Variants in MACF1 observed in about 807,000 individuals in gnomAD.
MACF1 encodes microtubule-actin cross-linking factor 1.
In MACF1, 193 loss-of-function variants were observed where a neutral mutation model predicts 854.8. The ratio of observed to expected loss-of-function variants is 0.23; its 90% CI spans 0.20 to 0.25. The LOEUF is 0.25. Ranked by LOEUF, MACF1 falls within the 10% of genes least tolerant of loss-of-function variation. The pLI, the probability that MACF1 is intolerant of heterozygous loss-of-function variation, is 1.00. For missense variants in MACF1, 7,722 were observed against 8,929.1 expected (o/e 0.86, Z 5.45); for synonymous variants, 3,185 against 3,226.7 (o/e 0.99, Z 0.44).
At chr1:39,386,860 C>T (rs1213566941) in intron 57 of MACF1, among the ~76,000 whole-genome samples, 2 of 152,210 alleles carry the variant, frequency 1.3e-5, no homozygotes, top group African/African-American at 2.4e-5. Context: ...CCACTGCACC[C>T]GGCTGCTTCT....
chr1:39,169,421 CTG>C (rs1192617511), intron 2 of MACF1, among the ~76,000 whole-genome samples: 4 of 152,108 alleles, frequency 2.6e-5, no homozygotes, highest in South Asian at 2.1e-4. Flanking sequence ...CATAGGGAAA[CTG>C]TGTCTCTACA....
At chr1:39,195,863 G>C (rs1644312818) in intron 2 of MACF1, among the ~76,000 whole-genome samples, 1 of 152,188 alleles carries the variant, frequency 6.6e-6, no homozygotes. Flanking sequence ...GGTGAACGAG[G>C]GCAGGGTTGG....
In MACF1 at chr1:39,368,317, G is replaced by A; in HGVS notation, c.12938+3G>A. The A allele has an allele frequency of 2.5e-6, 4 of 1,611,490 alleles. No individual in the cohort carries two copies. The highest frequency in any genetic ancestry group is 2.5e-6 in the Non-Finnish European group (3 of 1,177,984). On this transcript the variant is annotated splice_donor_region_variant and intron_variant, in intron 50 of 100. Coordinates refer to ENST00000564288, the MANE Select transcript of MACF1 (RefSeq NM_001394062.1). Reference sequence around the variant, plus strand: ...CTACAGAAGACAGTTAAAGAGAGGTGAGTTATCACTTGTGTTGGTCAGCAT... The same window carrying A: ...CTACAGAAGACAGTTAAAGAGAGGTAAGTTATCACTTGTGTTGGTCAGCAT...
At chr1:39,371,731 T>A (rs576520932) in intron 51 of MACF1, among the ~76,000 whole-genome samples, 1 of 152,088 alleles carries the variant, frequency 6.6e-6, no homozygotes, top group Non-Finnish European at 1.5e-5. Flanking sequence ...AGCTCCTTAT[T>A]TATCCTCTAG....
At chr1:39,118,128 A>G (rs1278513692) in intron 2 of MACF1, among the ~76,000 whole-genome samples, 1 of 152,252 alleles carries the variant, frequency 6.6e-6, no homozygotes, top group Non-Finnish European at 1.5e-5. Context: ...CAGCAGGGAG[A>G]GTGCCTGGAA....
At chr1:39,267,717 C>T (rs959166941) in intron 6 of MACF1, among the ~76,000 whole-genome samples, 2 of 152,138 alleles carry the variant, frequency 1.3e-5, no homozygotes, top group African/African-American at 4.8e-5. Flanking sequence ...ACATTTTTGT[C>T]AAATATTGTT....
chr1:39,471,464 T>A (rs1644775741), intron 97 of MACF1, among the ~76,000 whole-genome samples: 1 of 152,236 alleles, frequency 6.6e-6, no homozygotes, highest in African/African-American at 2.4e-5. Context: ...AACACCAGTG[T>A]GCACTATCAT....
intron 5 of MACF1, among the ~76,000 whole-genome samples, chr1:39,256,938 G>A (rs1192452795): frequency 6.6e-6 from 1 of 151,422 alleles, no homozygotes; most frequent in East Asian, 1.9e-4. Context: ...GGCCCTGATG[G>A]CAATAAAAAA....
chr1:39,105,464 G>T lies in MACF1; in HGVS notation c.220+21026G>T. Reference sequence around the variant, plus strand: ...GCGAGCGGACTGAGGAGCGGAGCGCGACTGCCGGGCCGGGCGAGGCGGGCG... The same window carrying T: ...GCGAGCGGACTGAGGAGCGGAGCGCTACTGCCGGGCCGGGCGAGGCGGGCG... On this transcript the variant is annotated intron_variant, in intron 2 of 93. Transcript: ENST00000361689. This position sits in a 1 kb window ranked among gnomAD's most constrained non-coding sequence, Gnocchi z 5.9. 3.0e-6 allele frequency: 3 copies of T among 1,007,768 alleles called. No individual in the cohort carries two copies. The highest frequency in any genetic ancestry group is 3.5e-6 in the Non-Finnish European group (3 of 846,250). 62.4% of individuals were successfully genotyped at this position (1,007,768 alleles called of 1,614,324 possible).
chr1:39,454,956 G>A lies in MACF1; in HGVS notation c.20934G>A (p.Leu6978=), dbSNP rs1644407772. 3.7e-6 allele frequency: 6 copies of A among 1,614,090 alleles called. No homozygotes were observed. In the South Asian group the frequency reaches 6.6e-5, roughly 18 times the overall value. Residue 6978 remains leucine (L), a synonymous_variant, in exon 89 of 101, where the codon TTG becomes TTA. Transcript: ENST00000564288. ...ACCAGCAGCGTCTTGAAACGGCCTTGTCAGAACTGGTGGCTAATGCTGAGC... is the reference window on the plus strand; with the variant it reads ...ACCAGCAGCGTCTTGAAACGGCCTTATCAGAACTGGTGGCTAATGCTGAGC... ...KQHQQRLETA[L]SELVANAELL... is the part of the protein sequence containing the mutation.
chr1:39,453,807 C>T lies in MACF1; in HGVS notation c.20843C>T (p.Thr6948Ile), dbSNP rs762902534. 6.2e-7 allele frequency: 1 copy of T among 1,614,194 alleles called. No homozygotes were observed. Among genetic ancestry groups the T allele is most frequent in the South Asian group, 1.1e-5 (1 of 91,076 alleles). Residue 6948 changes from threonine to isoleucine, a missense_variant, in exon 88 of 101, where the codon ACC becomes ATC. Thr to Ile is a moderately conservative substitution (Grantham distance 89). Transcript: ENST00000564288. ...GTCTGCCACCCCGATTGCATCACAA[C>T]CATCAAACACTGGATCACCATCATC... ...LAVCHPDCIT[T>I]IKHWITIIRA...
chr1:39,417,656 C>G (rs1395886016), intron 58 of MACF1, among the ~76,000 whole-genome samples: 6 of 150,832 alleles, frequency 4.0e-5, no homozygotes, highest in African/African-American at 1.5e-4. Context: ...AAGCAATTCT[C>G]CTGCCCCAGC....
intron 58 of MACF1, chr1:39,411,818 A>G: frequency 6.8e-6 from 11 of 1,613,894 alleles, no homozygotes; most frequent in Non-Finnish European, 9.3e-6. Context: ...TTAGAAAAGG[A>G]ACAGCATTTA....
chr1:39,358,718 C>A lies in MACF1; in HGVS notation c.11965C>A (p.Leu3989Met). 6.2e-7 allele frequency: 1 copy of A among 1,614,134 alleles called. No homozygotes were observed. Among genetic ancestry groups the A allele is most frequent in the Non-Finnish European group, 8.5e-7 (1 of 1,180,022 alleles). ...ACAGTGTACACGATTAGGATCTCAC[C>A]TGAATATGCTGTTAGGCCAGTATCA... ...HSKCTRLGSH[L>M]NMLLGQYHQF... Residue 3989 changes from leucine (L) to methionine (M), a missense_variant, in exon 46 of 101, where the codon CTG (leucine) becomes ATG (methionine). This residue lies in a region of MACF1 where 2,807 missense variants were observed against 3,235.8 expected (regional missense o/e 0.87). Transcript: ENST00000564288.
intron 1 of MACF1, among the ~76,000 whole-genome samples, chr1:39,216,106 A>G (rs2148283471): frequency 6.6e-6 from 1 of 152,320 alleles, no homozygotes; most frequent in East Asian, 1.9e-4. Flanking sequence ...GGGTATACAG[A>G]CTGGTGCTAG....
intron 2 of MACF1, among the ~76,000 whole-genome samples, chr1:39,135,831 C>T (rs1331401669): frequency 6.6e-6 from 1 of 152,114 alleles, no homozygotes. Flanking sequence ...TTGCTTCTCT[C>T]CCTCTCTCCT....
chr1:39,463,287 G>A (rs1032106425), intron 93 of MACF1, among the ~76,000 whole-genome samples: 2 of 152,104 alleles, frequency 1.3e-5, no homozygotes, highest in Admixed American at 6.5e-5. Flanking sequence ...GGGAGTTCAA[G>A]GCCAGCCTGA....
chr1:39,340,475 A>T (rs769761204), intron 38 of MACF1, 27 bp from the exon 39 acceptor site: 1 of 1,548,756 alleles, frequency 6.5e-7, no homozygotes, highest in Non-Finnish European at 8.9e-7. Flanking sequence ...TCTTGCTTTT[A>T]TAGGTAACTC....
At chr1:39,251,172 C>CTT (rs80269109) in intron 3 of MACF1, among the ~76,000 whole-genome samples, 21 of 150,992 alleles carry the variant, frequency 1.4e-4, no homozygotes, top group Non-Finnish European at 2.5e-4. Flanking sequence ...GGTTTCGTAT[C>CTT]TTTTTTTTTG....
Sources: gnomAD v4.1 joint callset for allele counts (sites outside exome capture counted in the v4.1 genomes callset) on GRCh38, gnomAD v4.1.1 for gene constraint, gnomAD v4.1.1 regional missense constraint, Gnocchi (gnomAD v3.1) non-coding constraint, MANE v1.5 for transcripts, NCBI Gene and HGNC (gene_info 2026-07-23, HGNC 2026-07-21) for gene names.